FOXN3: variants seen among roughly 807,000 people sequenced by gnomAD.
The protein encoded by FOXN3 is forkhead box protein N3.
In FOXN3, 7 loss-of-function variants were observed where a neutral mutation model predicts 38.4. That is an observed-to-expected ratio of 0.18 (90% CI 0.10 to 0.34). The LOEUF (loss-of-function observed/expected upper bound fraction) is 0.34. FOXN3 is among the 10% of genes least tolerant of loss of function. FOXN3 has a pLI of 1.00. For missense variants in FOXN3, 456 were observed against 613.4 expected (o/e 0.74, Z 2.71); for synonymous variants, 230 against 242.2 (o/e 0.95, Z 0.47).
At chr14:89,250,872 C>T (rs1399894757) in intron 4 of FOXN3, among the ~76,000 whole-genome samples, 1 of 152,212 alleles carries the variant, frequency 6.6e-6, no homozygotes, top group East Asian at 1.9e-4. Flanking sequence ...CATGCTCTCT[C>T]TCTTGCCTGC....
intron 1 of FOXN3, among the ~76,000 whole-genome samples, chr14:89,460,712 A>C (rs1005052170): frequency 5.3e-5 from 8 of 152,168 alleles, no homozygotes; most frequent in African/African-American, 1.9e-4. Flanking sequence ...GGGAATCCAC[A>C]AAGAGGCATG....
chr14:89,447,399 C>T (rs768718301), intron 1 of FOXN3, among the ~76,000 whole-genome samples: 7 of 151,902 alleles, frequency 4.6e-5, no homozygotes, highest in Non-Finnish European at 8.8e-5. Flanking sequence ...AGGTGGGCGG[C>T]GGGAAGGAAC....
At chr14:89,465,694 C>A (rs147930883) in intron 1 of FOXN3, among the ~76,000 whole-genome samples, 485 of 152,316 alleles carry the variant, frequency 3.2e-3, no homozygotes, top group African/African-American at 0.011. Context: ...ATACCTCCAA[C>A]TTGAGCTATT....
At chr14:89,453,432 C>T (rs546373344) in intron 1 of FOXN3, among the ~76,000 whole-genome samples, 4 of 150,630 alleles carry the variant, frequency 2.7e-5, no homozygotes, top group South Asian at 2.1e-4. Context: ...TGGTGGCGGG[C>T]GCCTGTAGTC....
intron 3 of FOXN3, among the ~76,000 whole-genome samples, chr14:89,287,893 T>G (rs1216136054): frequency 3.3e-5 from 5 of 151,662 alleles, no homozygotes; most frequent in African/African-American, 9.7e-5. Context: ...TTTTTTATTC[T>G]ACAAAAAATA....
intron 3 of FOXN3, among the ~76,000 whole-genome samples, chr14:89,282,123 A>G (rs1409340153): frequency 6.6e-6 from 1 of 152,182 alleles, no homozygotes; most frequent in Non-Finnish European, 1.5e-5. Flanking sequence ...CCAGAGGTAC[A>G]AATAGTATGG....
At chr14:89,383,727 C>T (rs1292274588) in intron 2 of FOXN3, among the ~76,000 whole-genome samples, 2 of 152,222 alleles carry the variant, frequency 1.3e-5, no homozygotes, top group African/African-American at 4.8e-5. Context: ...TCAGAGCCCA[C>T]TCAAATCCAT....
intron 4 of FOXN3, among the ~76,000 whole-genome samples, chr14:89,225,431 C>A (rs367679133): frequency 6.6e-6 from 1 of 151,406 alleles, no homozygotes; most frequent in Non-Finnish European, 1.5e-5. Flanking sequence ...GGTGAAACCC[C>A]GTCTCTACTA....
intron 2 of FOXN3, among the ~76,000 whole-genome samples, chr14:89,379,411 T>C (rs1454139512): frequency 6.6e-6 from 1 of 152,134 alleles, no homozygotes; most frequent in Admixed American, 6.6e-5. Context: ...GGAGCTGTCC[T>C]GTGTATTGTA....
intron 3 of FOXN3, among the ~76,000 whole-genome samples, chr14:89,327,115 T>TAAA (rs1382391410): frequency 6.6e-6 from 1 of 152,174 alleles, no homozygotes; most frequent in African/African-American, 2.4e-5. Flanking sequence ...CATGAGGCCA[T>TAAA]AATTGCCAAG....
In FOXN3 at chr14:89,511,134, T is replaced by G. The variant is rs1356095679; in HGVS notation, c.-14-98644A>C. Reference sequence around the variant, plus strand: ...AGACCTGCTTGGTGTCTTTCTTTCTTTCTTTCTTTTCTTTCTTTCTTTCTT... The same window carrying G: ...AGACCTGCTTGGTGTCTTTCTTTCTGTCTTTCTTTTCTTTCTTTCTTTCTT... On this transcript the variant is annotated intron_variant, in intron 1 of 6. Transcript: ENST00000345097. Among the ~76,000 whole-genome samples, 10 of 26,140 alleles carry G rather than the reference T, an allele frequency of 3.8e-4. 3 individuals are homozygous for G. The highest frequency in any genetic ancestry group is 1.5e-3 in the Non-Finnish European group (7 of 4,772). 17.1% of individuals were successfully genotyped at this position (26,140 alleles called of 152,430 possible).
upstream of FOXN3, chr14:89,417,464 G>A (rs1249573162): frequency 6.7e-6 from 1 of 149,016 alleles, no homozygotes; most frequent in East Asian, 2.0e-4. Context: ...TGGGCCCCGC[G>A]GGGCGGGGGT....
chr14:89,282,966 A>C (rs1596152107), intron 3 of FOXN3, among the ~76,000 whole-genome samples: 1 of 152,188 alleles, frequency 6.6e-6, no homozygotes, highest in East Asian at 1.9e-4. Flanking sequence ...TTCTATGGTC[A>C]ATCTGTGGTG....
At chr14:89,385,799 C>CT (rs773835990) in intron 2 of FOXN3, among the ~76,000 whole-genome samples, 46 of 152,320 alleles carry the variant, frequency 3.0e-4, no homozygotes, top group African/African-American at 1.1e-3. Context: ...AAAAGTGAAA[C>CT]TCTGTCTCAA....
chr14:89,184,750 T>C (rs1231819689), intron 4 of FOXN3, among the ~76,000 whole-genome samples: 5 of 152,184 alleles, frequency 3.3e-5, no homozygotes, highest in African/African-American at 1.2e-4. Flanking sequence ...TAAGATAAGC[T>C]AGGTCAACGG....
chr14:89,549,553 C>T (rs1420176443), intron 1 of FOXN3, among the ~76,000 whole-genome samples: 1 of 152,042 alleles, frequency 6.6e-6, no homozygotes, highest in African/African-American at 2.4e-5. Context: ...CCCAATATCC[C>T]CCAAAACAGA....
At chr14:89,296,276 A>C (rs984119431) in intron 3 of FOXN3, among the ~76,000 whole-genome samples, 1 of 152,222 alleles carries the variant, frequency 6.6e-6, no homozygotes, top group African/African-American at 2.4e-5. Flanking sequence ...TTTGTGCTAC[A>C]CAGTTTCTAA....
rs149716362 is a variant in FOXN3 at position 89,239,313 on chromosome 14, G to A, written c.745+41637C>T. Among the ~76,000 whole-genome samples, 43 of 152,256 alleles carry A rather than the reference G, an allele frequency of 2.8e-4. No individual in the cohort carries two copies. In the East Asian group the frequency reaches 5.2e-3, roughly 18 times the overall value. ...CCATCCATCTTCCTTTGTTAATTTC[G>A]TAAGCGGGGTTTAAGAGATCCAGAG... On this transcript the variant is annotated intron_variant, in intron 4 of 5. Coordinates refer to ENST00000557258, the MANE Select transcript of FOXN3 (RefSeq NM_005197.4).
chr14:89,245,500 T>C (rs1885267244), intron 4 of FOXN3, among the ~76,000 whole-genome samples: 1 of 151,866 alleles, frequency 6.6e-6, no homozygotes, highest in Non-Finnish European at 1.5e-5. Flanking sequence ...AAATGGGGGC[T>C]TGGTTTCTCC....
Sources: gnomAD v4.1 joint callset for allele counts (sites outside exome capture counted in the v4.1 genomes callset) on GRCh38, gnomAD v4.1.1 for gene constraint, MANE v1.5 for transcripts, NCBI Gene and HGNC (gene_info 2026-07-23, HGNC 2026-07-21) for gene names.